NEBL: variants seen among roughly 807,000 people sequenced by gnomAD.
NEBL encodes the protein LIM and SH3 protein 2.
NEBL carries 122 observed loss-of-function variants against 140.2 expected under a neutral mutation model. That is an observed-to-expected ratio of 0.87 (90% CI 0.75 to 1.01). NEBL has a LOEUF of 1.01. Ranked by LOEUF, NEBL falls within the 50% of genes least tolerant of loss-of-function variation. The pLI is 0.00. For synonymous variants in NEBL, 436 were observed against 398.9 expected (o/e 1.09, Z -1.11); for missense variants, 1,365 against 1,231.3 (o/e 1.11, Z -1.62).
intron 3 of NEBL, among the ~76,000 whole-genome samples, chr10:21,000,435 T>A (rs967661365): frequency 6.6e-6 from 1 of 151,994 alleles, no homozygotes; most frequent in Non-Finnish European, 1.5e-5. Context: ...TGACTTTTCC[T>A]GGCCAAACAA....
At chr10:20,995,529 C>T (rs976863482) in intron 3 of NEBL, among the ~76,000 whole-genome samples, 1 of 152,140 alleles carries the variant, frequency 6.6e-6, no homozygotes, top group Admixed American at 6.6e-5. Context: ...CAGCACCGCA[C>T]GCTGAGGAAT....
chr10:20,973,495 C>T (rs1221293130), intron 3 of NEBL, among the ~76,000 whole-genome samples: 1 of 152,154 alleles, frequency 6.6e-6, no homozygotes, highest in Non-Finnish European at 1.5e-5. Flanking sequence ...AGTGATCCTC[C>T]TGCATCTGTC....
At chr10:20,872,620 T>C (rs911828635) in intron 5 of NEBL, among the ~76,000 whole-genome samples, 31 of 152,284 alleles carry the variant, frequency 2.0e-4, no homozygotes, top group Admixed American at 1.9e-3. Context: ...TCCCAGATGG[T>C]TAAGCCATTT....
intron 3 of NEBL, among the ~76,000 whole-genome samples, chr10:21,184,724 CATA>C (rs1841437668): frequency 1.3e-5 from 2 of 152,098 alleles, no homozygotes; most frequent in Admixed American, 1.3e-4. Context: ...AAAGGTAAAA[CATA>C]ATGTTAAATA....
intron 2 of NEBL, among the ~76,000 whole-genome samples, chr10:21,112,567 C>G (rs1222510903): frequency 7.7e-6 from 1 of 129,122 alleles, no homozygotes; most frequent in African/African-American, 2.9e-5. Flanking sequence ...CGGTGGGGAA[C>G]ATCACACACT....
intron 2 of NEBL, among the ~76,000 whole-genome samples, chr10:21,063,840 A>G (rs1835408367): frequency 6.6e-6 from 1 of 152,190 alleles, no homozygotes; most frequent in Non-Finnish European, 1.5e-5. Context: ...ACTGCACTCC[A>G]GCCTGGGCGA....
chr10:20,970,915 C>T (rs1295511218), intron 3 of NEBL, among the ~76,000 whole-genome samples: 6 of 152,094 alleles, frequency 3.9e-5, no homozygotes, highest in African/African-American at 1.4e-4. Context: ...ACAAGTAAGA[C>T]ATAAACAACA....
chr10:21,281,630 G>C (rs1282751919), intron 1 of NEBL, among the ~76,000 whole-genome samples: 1 of 152,024 alleles, frequency 6.6e-6, no homozygotes, highest in South Asian at 2.1e-4. Flanking sequence ...TCCCACACCA[G>C]TGTGGGACAT....
At chr10:20,923,182 C>T (rs1160057666) in intron 4 of NEBL, among the ~76,000 whole-genome samples, 2 of 152,200 alleles carry the variant, frequency 1.3e-5, no homozygotes, top group East Asian at 1.9e-4. Flanking sequence ...ATCCTCCAGC[C>T]TCAGCCTCCC....
intron 4 of NEBL, among the ~76,000 whole-genome samples, chr10:20,913,253 C>T (rs1848403593): frequency 6.6e-6 from 1 of 152,114 alleles, no homozygotes; most frequent in Non-Finnish European, 1.5e-5. Context: ...GTGAAGAGAA[C>T]AATTTTGAAA....
intron 3 of NEBL, among the ~76,000 whole-genome samples, chr10:21,211,544 C>T (rs1352273533): frequency 6.6e-6 from 1 of 152,012 alleles, no homozygotes; most frequent in Non-Finnish European, 1.5e-5. Flanking sequence ...CTGATGTGTG[C>T]AGTCAAAAAC....
chr10:20,933,191 G>A (rs1181601393), intron 4 of NEBL, among the ~76,000 whole-genome samples: 2 of 152,150 alleles, frequency 1.3e-5, no homozygotes, highest in Non-Finnish European at 2.9e-5. Context: ...TTCACCATTT[G>A]CATCAGTCCC....
chr10:21,180,295 G>A (rs1841367015), intron 3 of NEBL, among the ~76,000 whole-genome samples: 1 of 152,128 alleles, frequency 6.6e-6, no homozygotes, highest in Admixed American at 6.6e-5. Flanking sequence ...CACCCTCTCT[G>A]TGTGAATTCT....
chr10:21,063,449 C>T, intron 2 of NEBL, among the ~76,000 whole-genome samples: 1 of 152,208 alleles, frequency 6.6e-6, no homozygotes, highest in African/African-American at 2.4e-5. Context: ...TTTAACAAGT[C>T]ATAATAAACA....
chr10:21,222,955 G>A (rs935397162), intron 3 of NEBL, among the ~76,000 whole-genome samples: 1 of 152,172 alleles, frequency 6.6e-6, no homozygotes, highest in Non-Finnish European at 1.5e-5. Flanking sequence ...TAGAGACAGG[G>A]TTACAGCATG....
intron 2 of NEBL, among the ~76,000 whole-genome samples, chr10:21,156,208 C>T (rs1420433478): frequency 6.6e-6 from 1 of 152,156 alleles, no homozygotes; most frequent in Non-Finnish European, 1.5e-5. Flanking sequence ...GTAGCTTTGC[C>T]CTTTCTTTAA....
In NEBL at chr10:20,787,378, C is replaced by T. The variant is rs2296607; in HGVS notation, c.2762-70G>A. ...CCTCGAAATACCCATCCCAAACCCT[C>T]AGAGTGATGTTATGCTCTGCTAGAA... On this transcript the variant is annotated intron_variant, in intron 26 of 27. Transcript: ENST00000377122. The T allele has an allele frequency of 0.34, 418,224 of 1,220,270 alleles. 75,217 individuals carry two copies. The highest frequency in any genetic ancestry group is 0.46 in the South Asian group (35,855 of 78,204). 75.6% of individuals were successfully genotyped at this position (1,220,270 alleles called of 1,614,324 possible).
chr10:21,172,569 T>C (rs965261502), intron 1 of NEBL: 3 of 841,398 alleles, frequency 3.6e-6, no homozygotes, highest in Non-Finnish European at 3.9e-6. Context: ...TGCATCACAG[T>C]CCCTGTAGCT....
chr10:21,022,377 T>C (rs1443057665), intron 2 of NEBL, among the ~76,000 whole-genome samples: 2 of 152,204 alleles, frequency 1.3e-5, no homozygotes, highest in South Asian at 2.1e-4. Flanking sequence ...AGTAATCATT[T>C]GTCGGTGCAG....
Sources: allele counts gnomAD v4.1 joint callset (sites outside exome capture counted in the v4.1 genomes callset), GRCh38; gene constraint gnomAD v4.1.1; transcripts MANE v1.5; gene names NCBI Gene and HGNC (gene_info 2026-07-23, HGNC 2026-07-21).